Variants in TSHZ2 observed in about 807,000 individuals in gnomAD.
The protein encoded by TSHZ2 is teashirt homolog 2.
TSHZ2 carries 21 observed loss-of-function variants against 74.4 expected under a neutral mutation model. The observed-to-expected ratio is 0.28, with a 90% CI of 0.20 to 0.41. The LOEUF (loss-of-function observed/expected upper bound fraction) is 0.41. Among genes scored for constraint, TSHZ2 ranks in the 10% least tolerant of loss-of-function variants. The pLI is 1.00. For missense variants in TSHZ2, 1,244 were observed against 1,293.5 expected (o/e 0.96, Z 0.59); for synonymous variants, 540 against 515.3 (o/e 1.05, Z -0.65).
intron 2 of TSHZ2, among the ~76,000 whole-genome samples, chr20:53,427,367 G>C (rs945168377): frequency 2.0e-5 from 3 of 152,160 alleles, no homozygotes; most frequent in African/African-American, 7.2e-5. Flanking sequence ...GTGGAGAGAC[G>C]CGAGGTATGA....
chr20:53,013,662 G>A (rs78788680), intron 1 of TSHZ2, among the ~76,000 whole-genome samples: 2,418 of 152,208 alleles, frequency 0.016, 73 homozygotes, highest in African/African-American at 0.056. Context: ...CATCTGTTTT[G>A]TTCACCATAA....
At chr20:53,149,417 C>T (rs181153001) in intron 1 of TSHZ2, among the ~76,000 whole-genome samples, 46 of 152,036 alleles carry the variant, frequency 3.0e-4, no homozygotes, top group Non-Finnish European at 5.0e-4. Context: ...TTACTGTCAA[C>T]GATAGGCTAA....
At chr20:53,247,715 A>C (rs1301918854) in intron 1 of TSHZ2, among the ~76,000 whole-genome samples, 1 of 152,178 alleles carries the variant, frequency 6.6e-6, no homozygotes, top group African/African-American at 2.4e-5. Context: ...CTGTGACTTT[A>C]AACAGTCATT....
chr20:53,265,383 G>A (rs978598913), intron 2 of TSHZ2, among the ~76,000 whole-genome samples: 2 of 152,106 alleles, frequency 1.3e-5, no homozygotes, highest in Admixed American at 1.3e-4. Flanking sequence ...GGTGTTGGAG[G>A]TGAGCAGGGA....
intron 1 of TSHZ2, among the ~76,000 whole-genome samples, chr20:53,066,295 A>G (rs1171412283): frequency 6.6e-6 from 1 of 152,048 alleles, no homozygotes; most frequent in Non-Finnish European, 1.5e-5. Flanking sequence ...GCAAGTAGCA[A>G]GTGGAAGTCA....
intron 2 of TSHZ2, among the ~76,000 whole-genome samples, chr20:53,263,583 C>T (rs532510445): frequency 3.3e-5 from 5 of 152,238 alleles, no homozygotes; most frequent in Admixed American, 6.5e-5. Context: ...TGGTTTAGTT[C>T]GGATTTTAGT....
chr20:53,287,228 T>G (rs1403070719), intron 2 of TSHZ2, among the ~76,000 whole-genome samples: 1 of 152,214 alleles, frequency 6.6e-6, no homozygotes, highest in African/African-American at 2.4e-5. Flanking sequence ...GAGCTTATAT[T>G]TATTGAAAAA....
chr20:53,285,349 T>C (rs1443486497), intron 2 of TSHZ2, among the ~76,000 whole-genome samples: 1 of 152,056 alleles, frequency 6.6e-6, no homozygotes, highest in Non-Finnish European at 1.5e-5. Flanking sequence ...AAAATAAAAT[T>C]TAGATATTCT....
chr20:53,253,828 A>G lies in TSHZ2; in HGVS notation c.370A>G (p.Lys124Glu). The G allele has an allele frequency of 1.2e-6, 2 of 1,614,218 alleles. No individual in the cohort carries two copies. The highest frequency in any genetic ancestry group is 1.7e-6 in the Non-Finnish European group (2 of 1,180,032). The change falls in exon 2 of 3, where the codon AAA (lysine) becomes GAA (glutamate). Residue 124 changes from lysine to glutamate, a missense_variant. Transcript: ENST00000371497. Reference sequence around the variant, plus strand: ...AAACGAAGCACACAATTGCATGGATAAAATGACCGCTGTCTACGCCAACAT... The same window carrying G: ...AAACGAAGCACACAATTGCATGGATGAAATGACCGCTGTCTACGCCAACAT... ...LPNEAHNCMD[K>E]MTAVYANILS...
intron 1 of TSHZ2, among the ~76,000 whole-genome samples, chr20:53,239,270 T>C (rs1462783747): frequency 1.3e-5 from 2 of 152,096 alleles, no homozygotes; most frequent in Non-Finnish European, 2.9e-5. Context: ...CATTACCAAG[T>C]GTGTCTCTAA....
chr20:53,138,749 T>C (rs1391471627), intron 1 of TSHZ2, among the ~76,000 whole-genome samples: 1 of 152,248 alleles, frequency 6.6e-6, no homozygotes, highest in African/African-American at 2.4e-5. Context: ...TGCTACACTC[T>C]GCTGGTAACA....
intron 1 of TSHZ2, among the ~76,000 whole-genome samples, chr20:53,079,151 G>C (rs747330488): frequency 2.0e-5 from 3 of 152,138 alleles, no homozygotes; most frequent in Non-Finnish European, 4.4e-5. Context: ...ATAGAGAAGA[G>C]AGTGTCTCAA....
chr20:53,247,424 C>T (rs1990233478), intron 1 of TSHZ2, among the ~76,000 whole-genome samples: 1 of 152,166 alleles, frequency 6.6e-6, no homozygotes, highest in African/African-American at 2.4e-5. Context: ...CATGGCCCTC[C>T]AAGAGGCCCT....
chr20:53,339,770 TG>T (rs1268119532), intron 2 of TSHZ2, among the ~76,000 whole-genome samples: 1 of 152,162 alleles, frequency 6.6e-6, no homozygotes, highest in Non-Finnish European at 1.5e-5. Flanking sequence ...CCAGGAAAGC[TG>T]GGGGACTCGC....
At chr20:53,471,621 G>T (rs971239731) in intron 2 of TSHZ2, among the ~76,000 whole-genome samples, 1 of 152,136 alleles carries the variant, frequency 6.6e-6, no homozygotes, top group Non-Finnish European at 1.5e-5. Context: ...CAAACAAAGA[G>T]TGGGAAGAAG....
intron 1 of TSHZ2, among the ~76,000 whole-genome samples, chr20:53,048,873 G>T (rs6022254): frequency 3.2e-4 from 48 of 152,260 alleles, no homozygotes; most frequent in African/African-American, 1.1e-3. Flanking sequence ...TGCGTCACAG[G>T]TTTCAATAAC....
intron 1 of TSHZ2, among the ~76,000 whole-genome samples, chr20:53,217,873 C>T (rs1290595942): frequency 6.6e-6 from 1 of 152,056 alleles, no homozygotes; most frequent in Non-Finnish European, 1.5e-5. Context: ...CTCACCTTTG[C>T]AAACAAAAAA....
intron 1 of TSHZ2, among the ~76,000 whole-genome samples, chr20:53,215,113 G>T (rs1989404660): frequency 6.6e-6 from 1 of 152,108 alleles, no homozygotes; most frequent in Non-Finnish European, 1.5e-5. Context: ...TTGTTTGTTT[G>T]AGTTTTTTTT....
chr20:52,983,066 G>C (rs1359135500), intron 1 of TSHZ2, among the ~76,000 whole-genome samples: 3 of 152,206 alleles, frequency 2.0e-5, no homozygotes, highest in African/African-American at 7.2e-5. Flanking sequence ...GGCAGCTGGA[G>C]ATAAAAACAC....
Sources: allele counts gnomAD v4.1 joint callset (sites outside exome capture counted in the v4.1 genomes callset), GRCh38; gene constraint gnomAD v4.1.1; transcripts MANE v1.5; gene names NCBI Gene and HGNC (gene_info 2026-07-23, HGNC 2026-07-21).